The following TBC1D4 variants were observed in gnomAD, a reference collection of about 807,000 sequenced individuals.
The protein encoded by TBC1D4 is TBC1 domain family member 4.
A neutral mutation model predicts 142.5 loss-of-function variants in TBC1D4; 121 were observed. The ratio of observed to expected loss-of-function variants is 0.85; its 90% CI spans 0.73 to 0.99. The LOEUF (loss-of-function observed/expected upper bound fraction) is 0.99. Ranked by LOEUF, TBC1D4 falls within the 50% of genes least tolerant of loss-of-function variation. TBC1D4 has a pLI of 0.00. For missense variants in TBC1D4, 1,475 were observed against 1,606.6 expected, an observed-to-expected ratio of 0.92 and a Z score of 1.40; for synonymous variants, 630 against 628.2, an observed-to-expected ratio of 1.00 and a Z score of -0.04.
chr13:75,380,575 A>G (rs575047106), intron 1 of TBC1D4, among the ~76,000 whole-genome samples: 5 of 151,730 alleles, frequency 3.3e-5, no homozygotes, highest in African/African-American at 1.2e-4. Context: ...GAAACACTGA[A>G]TTTACAAACA....
chr13:75,478,848 G>A (rs1355373144), intron 1 of TBC1D4, among the ~76,000 whole-genome samples: 2 of 152,150 alleles, frequency 1.3e-5, no homozygotes, highest in Admixed American at 6.5e-5. Flanking sequence ...CAATGACTGC[G>A]CTTGTCCACT....
chr13:75,452,616 C>T (rs560063922), intron 1 of TBC1D4, among the ~76,000 whole-genome samples: 2 of 152,278 alleles, frequency 1.3e-5, no homozygotes, highest in Non-Finnish European at 2.9e-5. Flanking sequence ...TAAACATTAA[C>T]CCACATTCCA....
rs35548574 is a variant in TBC1D4 at position 75,480,877 on chromosome 13, G to GCACACACACACACA, written c.498+379_498+392dup. ...TACACGCGCTCGCGCGCACACGCAC[G>GCACACACACACACA]CACACACACACACACACACACACAC... On this transcript the variant is annotated intron_variant, in intron 1 of 20. Transcript: ENST00000377636. 1.7e-3 allele frequency among the ~76,000 whole-genome samples: 208 copies of GCACACACACACACA among 124,190 alleles called. 1 individual carries two copies. Among genetic ancestry groups the GCACACACACACACA allele is most frequent in the African/African-American group, 4.8e-3 (191 of 39,560 alleles). The allele number at this position is 124,190 out of a possible 152,430, so 81.5% of individuals were successfully genotyped here. A position where few individuals can be genotyped will look rare whatever the true frequency, so the allele number is the denominator to read the frequency against.
In TBC1D4 at chr13:75,310,154, G is replaced by A. The variant is rs2297203; in HGVS notation, c.2384-3C>T. 606,021 of 1,611,272 alleles carry A rather than the reference G, an allele frequency of 0.38. 119,378 individuals carry two copies. Among genetic ancestry groups the A allele is most frequent in the Admixed American group, 0.44 (25,989 of 59,732 alleles). ...CAGCTCGTTCCTGTCCAATCCATCT[G>A]CAGAGAAGAACACAGTGAGAGGCAT... On this transcript the variant is annotated splice_polypyrimidine_tract_variant and splice_region_variant and intron_variant, in intron 13 of 20. Transcript: ENST00000377636.
At chr13:75,317,669 T>C (rs1226550914) in intron 12 of TBC1D4, among the ~76,000 whole-genome samples, 1 of 152,210 alleles carries the variant, frequency 6.6e-6, no homozygotes, top group Non-Finnish European at 1.5e-5. Flanking sequence ...CCAAGATACA[T>C]ATTCAGGAAA....
chr13:75,481,133 TGAGCGCGCCACGTG>T lies in TBC1D4; in HGVS notation c.498+123_498+136del, dbSNP rs1888846764. 3.0e-6 allele frequency: 4 copies of T among 1,339,736 alleles called. No individual in the cohort carries two copies. In the South Asian group the frequency reaches 6.1e-5, roughly 20 times the overall value. 83.0% of individuals were successfully genotyped at this position (1,339,736 alleles called of 1,614,324 possible). On this transcript the variant is annotated intron_variant, in intron 1 of 20. Coordinates refer to ENST00000377636, the MANE Select transcript of TBC1D4 (RefSeq NM_014832.5). ...TCCAGGGAAGGGGCCAGCCGGCGCT[TGAGCGCGCCACGTG>T]GAGCGCGCGCGCCTGCAGCCAAACC...
At chr13:75,327,071 A>G (rs1297868393) in intron 9 of TBC1D4, among the ~76,000 whole-genome samples, 2 of 152,214 alleles carry the variant, frequency 1.3e-5, no homozygotes, top group Admixed American at 1.3e-4. Context: ...GCTGGAATGC[A>G]TCTCATATTG....
intron 1 of TBC1D4, among the ~76,000 whole-genome samples, chr13:75,447,378 T>C (rs1008777296): frequency 1.3e-5 from 2 of 152,172 alleles, no homozygotes; most frequent in Admixed American, 1.3e-4. Flanking sequence ...ATTAACACTT[T>C]CTTCTAATAT....
intron 18 of TBC1D4, among the ~76,000 whole-genome samples, chr13:75,294,516 T>C (rs1246967500): frequency 1.3e-5 from 2 of 152,234 alleles, no homozygotes; most frequent in African/African-American, 2.4e-5. Context: ...GAAACATGTA[T>C]ATAAAAATCT....
chr13:75,438,655 A>T (rs1208038630), intron 1 of TBC1D4, among the ~76,000 whole-genome samples: 1 of 152,252 alleles, frequency 6.6e-6, no homozygotes, highest in Non-Finnish European at 1.5e-5. Flanking sequence ...CTTTTATAAT[A>T]TTAAGACTTT....
chr13:75,324,515 A>G, intron 10 of TBC1D4, 114 bp from the exon 11 acceptor site: 1 of 1,273,742 alleles, frequency 7.9e-7, no homozygotes. Flanking sequence ...TTTCCTTTCA[A>G]GGCTCAGGGC....
chr13:75,333,419 G>C (rs1271898025), intron 8 of TBC1D4, among the ~76,000 whole-genome samples: 3 of 152,156 alleles, frequency 2.0e-5, no homozygotes, highest in African/African-American at 7.2e-5. Flanking sequence ...AACACCCTGG[G>C]TGGGCTTTGT....
intron 4 of TBC1D4, among the ~76,000 whole-genome samples, chr13:75,350,952 T>A (rs1292968772): frequency 1.3e-5 from 2 of 152,216 alleles, no homozygotes; most frequent in African/African-American, 2.4e-5. Context: ...ATGAGATCAG[T>A]GCAACTAAAA....
intron 1 of TBC1D4, among the ~76,000 whole-genome samples, chr13:75,466,312 C>T (rs1439705677): frequency 1.3e-5 from 2 of 152,128 alleles, no homozygotes; most frequent in Non-Finnish European, 2.9e-5. Flanking sequence ...AAACAGAGAA[C>T]GATGTGAGAA....
At chr13:75,382,098 T>C (rs544882093) in intron 1 of TBC1D4, among the ~76,000 whole-genome samples, 176 of 69,544 alleles carry the variant, frequency 2.5e-3, no homozygotes, top group African/African-American at 7.2e-3. Flanking sequence ...CTCTTTCCAC[T>C]TGGCGATTAG....
Position 75,481,945 on chromosome 13 carries a change from CG to C in TBC1D4, c.-179del. 1.1e-6 allele frequency: 1 copy of C among 925,928 alleles called. No individual in the cohort carries two copies. The highest frequency in any genetic ancestry group is 1.4e-6 in the Non-Finnish European group (1 of 705,120). The allele number at this position is 925,928 out of a possible 1,614,324, so 57.4% of individuals were successfully genotyped here. On this transcript the variant is annotated 5_prime_UTR_variant, in exon 1 of 21. Transcript: ENST00000377636. ...AGCCCTGCCCCATGCAGCACTTCCA[CG>C]GGCGCGGCTCGGAGGCTCCGGCGGC...
intron 1 of TBC1D4, among the ~76,000 whole-genome samples, chr13:75,402,410 A>G (rs1350380664): frequency 6.6e-6 from 1 of 151,850 alleles, no homozygotes; most frequent in Non-Finnish European, 1.5e-5. Context: ...ACTGAATAGA[A>G]CATTTCTCCA....
Position 75,481,791 on chromosome 13 carries a change from G to A in TBC1D4, c.-24C>T, listed in dbSNP as rs1172452202. The A allele has an allele frequency of 1.6e-5, 24 of 1,491,302 alleles. No individual in the cohort carries two copies. The highest frequency in any genetic ancestry group is 2.0e-5 in the Non-Finnish European group (23 of 1,129,832). 92.4% of individuals were successfully genotyped at this position (1,491,302 alleles called of 1,614,324 possible). A position where few individuals can be genotyped will look rare whatever the true frequency, so the allele number is the denominator to read the frequency against. ...ATAACTCTCGCCTCACCAGGGCACC[G>A]CGGAGGCCGGCCGGGCGCACCGCGC... On this transcript the variant is annotated 5_prime_UTR_variant, in exon 1 of 21. Transcript: ENST00000377636.
rs1025206282 is a variant in TBC1D4, at chr13:75,283,945, T to G, written c.*2847A>C. On this transcript the variant is annotated 3_prime_UTR_variant, in exon 21 of 21. Coordinates refer to ENST00000377636, the MANE Select transcript of TBC1D4 (RefSeq NM_014832.5). ...CAAAGTCTCACTCTGTGGCCCAGGCTAGAGTGCAGTGGCATGATGGCTCAC... is the reference window on the plus strand; with the variant it reads ...CAAAGTCTCACTCTGTGGCCCAGGCGAGAGTGCAGTGGCATGATGGCTCAC... Among the ~76,000 whole-genome samples, 1 of 152,108 alleles carries G rather than the reference T, an allele frequency of 6.6e-6. No homozygotes were observed. Among genetic ancestry groups the G allele is most frequent in the African/African-American group, 2.4e-5 (1 of 41,422 alleles).
Sources: allele counts gnomAD v4.1 joint callset (sites outside exome capture counted in the v4.1 genomes callset), GRCh38; gene constraint gnomAD v4.1.1; transcripts MANE v1.5; gene names NCBI Gene and HGNC (gene_info 2026-07-23, HGNC 2026-07-21).